UBE3B: variants seen among roughly 807,000 people sequenced by gnomAD.
UBE3B encodes ubiquitin protein ligase E3B.
UBE3B carries 80 observed loss-of-function variants against 132.3 expected under a neutral mutation model. The observed-to-expected ratio is 0.60, with a 90% confidence interval of 0.50 to 0.73. The LOEUF (loss-of-function observed/expected upper bound fraction) is 0.73. Ranked by LOEUF, UBE3B falls within the 30% of genes least tolerant of loss-of-function variation. The probability of loss-of-function intolerance (pLI) is 0.00; values close to 1 mark genes in which losing one functional copy is unlikely to be tolerated. For synonymous variants in UBE3B, 487 were observed against 520.4 expected (o/e 0.94, Z 0.87); for missense variants, 1,196 against 1,362.5 (o/e 0.88, Z 1.92).
In UBE3B at chr12:109,486,044, C is replaced by T; in HGVS notation, c.315C>T (p.Ser105=). Residue 105 remains serine, a synonymous_variant, in exon 5 of 28, where the codon AGC becomes AGT. Transcript: ENST00000342494. ...AGAAGTTGTGTCGCAGCATCCTGAG[C>T]AGCATGGATGCTGAGAATGAGCCTA... is the stretch of plus-strand genomic sequence containing the variant. ...RFEKLCRSIL[S]SMDAENEPKV... 6.4e-7 allele frequency: 1 copy of T among 1,555,540 alleles called. No homozygotes were observed.
intron 6 of UBE3B, 119 bp downstream of exon 6, chr12:109,486,694 C>A: frequency 1.2e-6 from 1 of 811,792 alleles, no homozygotes; most frequent in Non-Finnish European, 1.9e-6. Flanking sequence ...GCTAGTTGAG[C>A]CACTGTTCTG....
In UBE3B at chr12:109,509,632, T is replaced by G. The variant is rs1464603882; in HGVS notation, c.1659T>G (p.Ile553Met). 6.2e-7 allele frequency: 1 copy of G among 1,610,592 alleles called. No homozygotes were observed. Among genetic ancestry groups the G allele is most frequent in the South Asian group, 1.1e-5 (1 of 90,020 alleles). ...LDDIEVYEEQ[I>M]SFKLEELVTI... Reference sequence around the variant, plus strand: ...ACATTGAAGTTTATGAAGAACAGATTTCATTCAAACTGGAAGAGCTGGTCA... The same window carrying G: ...ACATTGAAGTTTATGAAGAACAGATGTCATTCAAACTGGAAGAGCTGGTCA... The change falls in exon 16 of 28, where the codon ATT becomes ATG. Residue 553 changes from isoleucine (I) to methionine (M), a missense_variant. Ile to Met is a conservative substitution (Grantham distance 10). Transcript: ENST00000342494.
chr12:109,534,353 GCTTA>G lies in UBE3B; in HGVS notation c.3016-233_3016-230del, dbSNP rs1883254898. 2.1e-6 allele frequency: 3 copies of G among 1,415,004 alleles called. No homozygotes were observed. The highest frequency in any genetic ancestry group is 1.8e-6 in the Non-Finnish European group (2 of 1,090,542). 87.7% of individuals were successfully genotyped at this position (1,415,004 alleles called of 1,614,324 possible). On this transcript the variant is annotated intron_variant, in intron 27 of 27. Coordinates refer to ENST00000342494, the MANE Select transcript of UBE3B (RefSeq NM_130466.4). This position sits in a 1 kb window ranked among gnomAD's most constrained non-coding sequence, Gnocchi z 5.2. Reference sequence around the variant, plus strand: ...GAACCGGAAGGCCCCATTTCCAAAAGCTTACTTAGTGCAGGAATTCTCTGTGCAG... The same window carrying G: ...GAACCGGAAGGCCCCATTTCCAAAAGCTTAGTGCAGGAATTCTCTGTGCAG...
chr12:109,540,100 GA>G (rs1321498612), downstream of UBE3B, among the ~76,000 whole-genome samples: 1 of 152,100 alleles, frequency 6.6e-6, no homozygotes, highest in Non-Finnish European at 1.5e-5. Context: ...AGAGGAAGCT[GA>G]AAGCGTTCAT....
chr12:109,520,477 G>GT (rs1881567616), intron 19 of UBE3B: 1 of 152,530 alleles, frequency 6.6e-6, no homozygotes, highest in Non-Finnish European at 1.5e-5. Flanking sequence ...CCACCAGCCA[G>GT]AAGTCCAGGC....
chr12:109,493,998 A>T (rs1877834974), intron 9 of UBE3B, among the ~76,000 whole-genome samples: 1 of 152,010 alleles, frequency 6.6e-6, no homozygotes, highest in South Asian at 2.1e-4. Context: ...TTTTATTTTT[A>T]AAATTTTTGT....
In UBE3B at chr12:109,521,677, G is replaced by A. The variant is rs1286706682; in HGVS notation, c.2364+126G>A. 1.9e-5 allele frequency: 16 copies of A among 845,162 alleles called. No individual in the cohort carries two copies. The highest frequency in any genetic ancestry group is 2.6e-5 in the Non-Finnish European group (15 of 575,516). The allele number at this position is 845,162 out of a possible 1,614,324, so 52.4% of individuals were successfully genotyped here. A position where few individuals can be genotyped will look rare whatever the true frequency, so the allele number is the denominator to read the frequency against. On this transcript the variant is annotated intron_variant, in intron 21 of 27. Coordinates refer to ENST00000342494, the MANE Select transcript of UBE3B (RefSeq NM_130466.4). This position sits in a 1 kb window ranked among gnomAD's most constrained non-coding sequence, Gnocchi z 4.2. ...TCACTAGGATACAAGCGAGGACAGG[G>A]GCAGGAACCAAGGTTTGTTGTACAC...
intron 24 of UBE3B, among the ~76,000 whole-genome samples, chr12:109,527,847 C>T (rs1274747419): frequency 6.6e-6 from 1 of 152,162 alleles, no homozygotes; most frequent in African/African-American, 2.4e-5. Flanking sequence ...GTGTCAGGCT[C>T]AGAGGAGGGC....
At chr12:109,533,832 T>C (rs760461659) in intron 27 of UBE3B, 13 of 1,072,356 alleles carry the variant, frequency 1.2e-5, no homozygotes, top group Non-Finnish European at 1.2e-5. Flanking sequence ...ACGTGCTGTT[T>C]TTAGTGGCGT....
chr12:109,516,735 G>A, intron 18 of UBE3B, 30 bp from the exon 19 acceptor site: 1 of 1,602,532 alleles, frequency 6.2e-7, no homozygotes, highest in Non-Finnish European at 8.5e-7. Context: ...TGCTGACCCT[G>A]TTTTCTGATC....
chr12:109,520,171 G>C lies in UBE3B; in HGVS notation c.2077-977G>C, dbSNP rs540512076. The C allele has an allele frequency of 5.2e-5, 8 of 152,394 alleles. No homozygotes were observed. In the East Asian group the frequency reaches 1.3e-3, roughly 26 times the overall value. The allele number at this position is 152,394 out of a possible 1,614,324, so 9.4% of individuals were successfully genotyped here. A position where few individuals can be genotyped will look rare whatever the true frequency, so the allele number is the denominator to read the frequency against. On this transcript the variant is annotated intron_variant, in intron 19 of 27. Coordinates refer to ENST00000342494, the MANE Select transcript of UBE3B (RefSeq NM_130466.4). ...TCCATCACAGTGTCTGAAGACATCAGTTTCACCTGGTGATTGGGCCTCTCA... is the reference window on the plus strand; with the variant it reads ...TCCATCACAGTGTCTGAAGACATCACTTTCACCTGGTGATTGGGCCTCTCA...
the UBE3B span, among the ~76,000 whole-genome samples, chr12:109,542,859 G>T: frequency 6.6e-6 from 1 of 152,178 alleles, no homozygotes; most frequent in African/African-American, 2.4e-5. Flanking sequence ...TTAAGTCCCC[G>T]AGTTTATGGT....
At chr12:109,499,522 AT>A in intron 11 of UBE3B, 110 bp from the exon 12 acceptor site, 1 of 1,141,256 alleles carries the variant, frequency 8.8e-7, no homozygotes, top group South Asian at 2.2e-5. Flanking sequence ...TTATGTGGAA[AT>A]TTCTTGCTGC....
chr12:109,533,966 C>T (rs1255216618), intron 27 of UBE3B: 16 of 1,303,846 alleles, frequency 1.2e-5, no homozygotes, highest in East Asian at 1.1e-4. Flanking sequence ...CGTCCAGGCT[C>T]GCTGCTTCAT....
At chr12:109,503,976 G>A (rs1879329818) in intron 14 of UBE3B, among the ~76,000 whole-genome samples, 1 of 152,206 alleles carries the variant, frequency 6.6e-6, no homozygotes, top group Non-Finnish European at 1.5e-5. Flanking sequence ...CAGGCACTGA[G>A]GATACAGAGG....
intron 8 of UBE3B, chr12:109,490,363 C>G (rs960302727): frequency 5.4e-6 from 8 of 1,481,020 alleles, no homozygotes; most frequent in Non-Finnish European, 6.3e-6. Context: ...GCCCTTTCCA[C>G]TTTGTACCTT....
intron 22 of UBE3B, 80 bp from the exon 23 acceptor site, chr12:109,524,358 A>T (rs1882063705): frequency 6.5e-7 from 1 of 1,544,040 alleles, no homozygotes; most frequent in African/African-American, 1.4e-5. Context: ...GCACCAAAGC[A>T]GCGCCTCAAG....
chr12:109,533,385 C>A lies in UBE3B; in HGVS notation c.2923-81C>A. 4 of 1,288,040 alleles carry A rather than the reference C, an allele frequency of 3.1e-6. No homozygotes were observed. In the Admixed American group the frequency reaches 6.7e-5, roughly 22 times the overall value. 79.8% of individuals were successfully genotyped at this position (1,288,040 alleles called of 1,614,324 possible). Reference sequence around the variant, plus strand: ...ACAACACGGTAACAGACAGAGCAAACACGTGCTACACAGCTGCAAGGGCCC... The same window carrying A: ...ACAACACGGTAACAGACAGAGCAAAAACGTGCTACACAGCTGCAAGGGCCC... On this transcript the variant is annotated intron_variant, in intron 26 of 27. Transcript: ENST00000342494.
chr12:109,512,017 G>C (rs750938326), intron 18 of UBE3B, among the ~76,000 whole-genome samples: 6 of 152,166 alleles, frequency 3.9e-5, no homozygotes, highest in Non-Finnish European at 7.4e-5. Context: ...TGGGTACTTG[G>C]GGGGTGTTTT....
Sources: gnomAD v4.1 joint callset for allele counts (sites outside exome capture counted in the v4.1 genomes callset) on GRCh38, gnomAD v4.1.1 for gene constraint, Gnocchi (gnomAD v3.1) non-coding constraint, MANE v1.5 for transcripts, NCBI Gene and HGNC (gene_info 2026-07-23, HGNC 2026-07-21) for gene names.